EYS: variants seen among roughly 807,000 people sequenced by gnomAD.
EYS encodes the protein protein eyes shut homolog.
In EYS, 250 loss-of-function variants were observed where a neutral mutation model predicts 282.1. That is an observed-to-expected ratio of 0.89 (90% confidence interval 0.80 to 0.98). EYS has a LOEUF of 0.98. EYS is among the 50% of genes least tolerant of loss of function. The pLI is 0.00. For synonymous variants in EYS, 1,355 were observed against 1,282.9 expected, an observed-to-expected ratio of 1.06 and a Z score of -1.20; for missense variants, 4,016 against 3,709.0, an observed-to-expected ratio of 1.08 and a Z score of -2.15.
intron 22 of EYS, among the ~76,000 whole-genome samples, chr6:64,756,922 T>C (rs985621510): frequency 1.3e-5 from 2 of 151,636 alleles, no homozygotes; most frequent in African/African-American, 2.4e-5. Context: ...TACTCCCTGA[T>C]GAAGTTTTCT....
At chr6:64,795,316 CA>C (rs1260370610) in intron 22 of EYS, among the ~76,000 whole-genome samples, 3 of 150,042 alleles carry the variant, frequency 2.0e-5, no homozygotes, top group Non-Finnish European at 4.4e-5. Context: ...GTAGATAAAG[CA>C]AGCAAATATC....
chr6:65,622,950 ATCTG>A (rs753997045), intron 2 of EYS, among the ~76,000 whole-genome samples: 2 of 151,978 alleles, frequency 1.3e-5, no homozygotes, highest in Non-Finnish European at 2.9e-5. Flanking sequence ...TACAGCTGAG[ATCTG>A]TCTATGTTGC....
At chr6:65,659,680 T>C (rs1192248409) in intron 1 of EYS, among the ~76,000 whole-genome samples, 1 of 150,812 alleles carries the variant, frequency 6.6e-6, no homozygotes, top group Admixed American at 6.7e-5. Flanking sequence ...TGTTTTGCTG[T>C]CTTCTTAGCT....
At chr6:64,820,208 T>G (rs1285964098) in intron 21 of EYS, among the ~76,000 whole-genome samples, 1 of 151,948 alleles carries the variant, frequency 6.6e-6, no homozygotes, top group Non-Finnish European at 1.5e-5. Flanking sequence ...GACAAAAAAG[T>G]CACTGAGTAT....
At chr6:64,709,019 T>TACACACACACAC (rs36018580) in intron 22 of EYS, among the ~76,000 whole-genome samples, 1 of 150,984 alleles carries the variant, frequency 6.6e-6, no homozygotes, top group African/African-American at 2.4e-5. Context: ...CATGCACACA[T>TACACACACACAC]ACACACACAC....
intron 2 of EYS, among the ~76,000 whole-genome samples, chr6:65,568,019 C>G (rs1207362147): frequency 1.3e-5 from 2 of 152,026 alleles, no homozygotes; most frequent in Non-Finnish European, 2.9e-5. Context: ...CCACCTAGAA[C>G]AAGAATTATT....
At chr6:65,159,720 A>C (rs1314283066) in intron 12 of EYS, among the ~76,000 whole-genome samples, 2 of 150,812 alleles carry the variant, frequency 1.3e-5, no homozygotes, top group East Asian at 3.9e-4. Flanking sequence ...ACTCACTCAT[A>C]TTAAGTTTTG....
chr6:64,899,751 A>G (rs184381632), intron 18 of EYS, among the ~76,000 whole-genome samples: 1 of 152,296 alleles, frequency 6.6e-6, no homozygotes, highest in Admixed American at 6.5e-5. Flanking sequence ...AATGAAAAAA[A>G]TTCCACGCTC....
In EYS at chr6:65,402,537, C is replaced by A; in HGVS notation, c.1125G>T (p.Glu375Asp). 6.4e-7 allele frequency: 1 copy of A among 1,554,558 alleles called. No individual in the cohort carries two copies. Among genetic ancestry groups the A allele is most frequent in the Non-Finnish European group, 8.9e-7 (1 of 1,126,824 alleles). ...LLCKSIQTSCESFPLRNNATC... is the reference protein window; with the variant it reads ...LLCKSIQTSCDSFPLRNNATC... Reference sequence around the variant, plus strand: ...TAGCATTATTCCTCAAAGGAAATGACTCACATGATGTTTGAATGCTCTTAC... The same window carrying A: ...TAGCATTATTCCTCAAAGGAAATGAATCACATGATGTTTGAATGCTCTTAC... Residue 375 changes from glutamate to aspartate, a missense_variant, in exon 7 of 43, where the codon GAG (glutamate) becomes GAT (aspartate). Transcript: ENST00000503581.
chr6:64,054,185 G>A (rs1353844793), intron 33 of EYS, among the ~76,000 whole-genome samples: 2 of 152,220 alleles, frequency 1.3e-5, no homozygotes, highest in African/African-American at 4.8e-5. Flanking sequence ...TTTTGGAGAT[G>A]AGATAACAAA....
chr6:64,901,883 G>A (rs568763048), intron 18 of EYS, among the ~76,000 whole-genome samples: 1 of 152,214 alleles, frequency 6.6e-6, no homozygotes, highest in Admixed American at 6.5e-5. Flanking sequence ...GGAGCATTTT[G>A]CTCAGGCACA....
Position 63,839,044 on chromosome 6 carries a change from A to G in EYS, c.7228+25142T>C, listed in dbSNP as rs536161861. On this transcript the variant is annotated intron_variant, in intron 36 of 42. Coordinates refer to ENST00000503581, the MANE Select transcript of EYS (RefSeq NM_001142800.2). ...AATTAGCATATTCATCATGTTTAACATTTATCATTTCTTTCTGTTGGGAAG... is the reference window on the plus strand; with the variant it reads ...AATTAGCATATTCATCATGTTTAACGTTTATCATTTCTTTCTGTTGGGAAG... 2.0e-5 allele frequency among the ~76,000 whole-genome samples: 3 copies of G among 152,286 alleles called. No individual in the cohort carries two copies. The East Asian group carries it at 5.8e-4, about 29-fold the overall frequency.
intron 12 of EYS, among the ~76,000 whole-genome samples, chr6:65,123,442 G>A (rs534065571): frequency 5.9e-5 from 9 of 152,150 alleles, no homozygotes; most frequent in South Asian, 4.1e-4. Flanking sequence ...ATTAAGTTGC[G>A]TATATGGACA....
At chr6:65,464,729 G>A (rs535211350) in intron 5 of EYS, among the ~76,000 whole-genome samples, 13 of 152,032 alleles carry the variant, frequency 8.6e-5, no homozygotes, top group South Asian at 4.2e-4. Context: ...TGGAAACTTC[G>A]GTTTTTCATG....
At chr6:63,797,672 A>T (rs952603469) in intron 37 of EYS, 1 of 152,200 alleles carries the variant, frequency 6.6e-6, no homozygotes, top group Admixed American at 6.5e-5. Flanking sequence ...CATGACCATG[A>T]TGTTTCATCA....
At chr6:65,536,655 G>A (rs1767973621) in intron 2 of EYS, among the ~76,000 whole-genome samples, 1 of 152,074 alleles carries the variant, frequency 6.6e-6, no homozygotes, top group Non-Finnish European at 1.5e-5. Context: ...GCTTGTCTGA[G>A]ATGGTGTAAA....
intron 22 of EYS, among the ~76,000 whole-genome samples, chr6:64,797,249 G>A (rs778863187): frequency 1.6e-4 from 24 of 151,932 alleles, no homozygotes; most frequent in Admixed American, 4.6e-4. Flanking sequence ...AAGAATACCC[G>A]TACTCTTTAA....
intron 1 of EYS, among the ~76,000 whole-genome samples, chr6:65,661,047 C>T (rs1487215557): frequency 6.6e-6 from 1 of 151,826 alleles, no homozygotes; most frequent in Non-Finnish European, 1.5e-5. Context: ...CAAAATAACT[C>T]GGTCTATAAG....
Position 64,770,869 on chromosome 6 carries a change from A to C in EYS, c.3443+42509T>G, listed in dbSNP as rs78525399. Among the ~76,000 whole-genome samples, 104 of 151,958 alleles carry C rather than the reference A, an allele frequency of 6.8e-4. No individual in the cohort carries two copies. The East Asian group carries it at 0.013, about 19-fold the overall frequency. On this transcript the variant is annotated intron_variant, in intron 22 of 42. Coordinates refer to ENST00000503581, the MANE Select transcript of EYS (RefSeq NM_001142800.2). ...TGTAGGTTACTTCCTTCTACAGCAC[A>C]GCAGAAGTTTGTACATTCTTAGAAA... is the stretch of plus-strand genomic sequence containing the variant.
Sources: gnomAD v4.1 joint callset for allele counts (sites outside exome capture counted in the v4.1 genomes callset) on GRCh38, gnomAD v4.1.1 for gene constraint, MANE v1.5 for transcripts, NCBI Gene and HGNC (gene_info 2026-07-23, HGNC 2026-07-21) for gene names.